Variants in XKR4 observed in about 807,000 individuals in gnomAD.
XKR4 encodes XK related 4.
XKR4 carries 12 observed loss-of-function variants against 53.9 expected under a neutral mutation model. The ratio of observed to expected loss-of-function variants is 0.22; its 90% CI spans 0.14 to 0.36. The LOEUF is 0.36. Ranked by LOEUF, XKR4 falls within the 10% of genes least tolerant of loss-of-function variation. The pLI, the probability that XKR4 is intolerant of heterozygous loss-of-function variation, is 1.00. For missense variants in XKR4, 799 were observed against 859.5 expected, an observed-to-expected ratio of 0.93 and a Z score of 0.88; for synonymous variants, 354 against 362.4, an observed-to-expected ratio of 0.98 and a Z score of 0.26.
At chr8:55,507,811 G>A (rs563406867) in intron 2 of XKR4, among the ~76,000 whole-genome samples, 82 of 152,218 alleles carry the variant, frequency 5.4e-4, no homozygotes, top group African/African-American at 1.9e-3. Context: ...ATAAACATAC[G>A]TGTGCATGTG....
At chr8:55,464,288 G>T (rs1007598821) in intron 2 of XKR4, among the ~76,000 whole-genome samples, 2 of 152,026 alleles carry the variant, frequency 1.3e-5, no homozygotes, top group African/African-American at 4.8e-5. Context: ...ATGATCAAGT[G>T]GGCTTCATCC....
chr8:55,105,528 C>A (rs371890784), intron 1 of XKR4, among the ~76,000 whole-genome samples: 1 of 152,078 alleles, frequency 6.6e-6, no homozygotes. Context: ...AAAGTTAATA[C>A]TGATAATGCA....
chr8:55,383,120 G>A (rs544622191), intron 2 of XKR4, among the ~76,000 whole-genome samples: 3 of 152,168 alleles, frequency 2.0e-5, no homozygotes, highest in Non-Finnish European at 4.4e-5. Flanking sequence ...GGCTGAGGCA[G>A]GAGAATCGCT....
intron 2 of XKR4, among the ~76,000 whole-genome samples, chr8:55,471,611 G>GAT (rs1455144948): frequency 3.3e-5 from 5 of 152,120 alleles, no homozygotes; most frequent in Non-Finnish European, 7.4e-5. Context: ...AAACATGGAT[G>GAT]ATATGGTTTG....
rs575640688 is a variant in XKR4 at position 55,363,808 on chromosome 8, C to A, written c.1006+5931C>A. ...TCTGTGAGGGGTCTAGGCTCCAGGT[C>A]CCTCTGGATCTGCCTACTCTGCAGT... is the stretch of plus-strand genomic sequence containing the variant. On this transcript the variant is annotated intron_variant, in intron 2 of 2. Transcript: ENST00000327381. Among the ~76,000 whole-genome samples the A allele has an allele frequency of 2.0e-5, 3 of 152,238 alleles. No individual in the cohort carries two copies. In the South Asian group the frequency reaches 6.2e-4, roughly 32 times the overall value.
intron 2 of XKR4, among the ~76,000 whole-genome samples, chr8:55,418,106 C>T (rs1425350071): frequency 6.6e-6 from 1 of 152,154 alleles, no homozygotes; most frequent in African/African-American, 2.4e-5. Context: ...AGGCCTCAGC[C>T]CATCCCCCTG....
At chr8:55,515,324 C>T (rs1806696006) in intron 2 of XKR4, among the ~76,000 whole-genome samples, 1 of 152,108 alleles carries the variant, frequency 6.6e-6, no homozygotes, top group African/African-American at 2.4e-5. Flanking sequence ...CTGAGAAAGC[C>T]CTAGACCCGG....
At chr8:55,510,398 T>A (rs1325568383) in intron 2 of XKR4, among the ~76,000 whole-genome samples, 1 of 152,208 alleles carries the variant, frequency 6.6e-6, no homozygotes, top group Non-Finnish European at 1.5e-5. Flanking sequence ...TAGGGAGTCC[T>A]TGAAGGGTTT....
chr8:55,129,235 C>G (rs1033926114), intron 1 of XKR4, among the ~76,000 whole-genome samples: 2 of 152,110 alleles, frequency 1.3e-5, no homozygotes, highest in Admixed American at 6.5e-5. Flanking sequence ...GTTACCCATA[C>G]GATATTCTGA....
At chr8:55,410,795 G>A (rs1804765784) in intron 2 of XKR4, among the ~76,000 whole-genome samples, 1 of 152,124 alleles carries the variant, frequency 6.6e-6, no homozygotes, top group African/African-American at 2.4e-5. Context: ...AGTACCTGTG[G>A]TCTGCAGAAT....
chr8:55,436,500 G>A (rs950750215), intron 2 of XKR4, among the ~76,000 whole-genome samples: 2 of 152,208 alleles, frequency 1.3e-5, no homozygotes, highest in Non-Finnish European at 2.9e-5. Flanking sequence ...CCTAACATGT[G>A]TTCAGGTTTG....
At chr8:55,240,440 G>T (rs1818196071) in intron 1 of XKR4, among the ~76,000 whole-genome samples, 1 of 152,060 alleles carries the variant, frequency 6.6e-6, no homozygotes, top group African/African-American at 2.4e-5. Context: ...ATGAATTACG[G>T]GACAGTTTAA....
At chr8:55,344,239 A>T (rs1803601068) in intron 1 of XKR4, among the ~76,000 whole-genome samples, 1 of 152,240 alleles carries the variant, frequency 6.6e-6, no homozygotes, top group Admixed American at 6.5e-5. Flanking sequence ...AAACATCCAT[A>T]AATCTGCTAA....
chr8:55,309,989 T>G (rs1819364934), intron 1 of XKR4, among the ~76,000 whole-genome samples: 1 of 152,150 alleles, frequency 6.6e-6, no homozygotes, highest in Admixed American at 6.6e-5. Context: ...TGAGGATCCT[T>G]AATTCAGGGG....
At chr8:55,428,811 A>G (rs771802068) in intron 2 of XKR4, among the ~76,000 whole-genome samples, 74 of 152,386 alleles carry the variant, frequency 4.9e-4, no homozygotes, top group Non-Finnish European at 8.2e-4. Context: ...TACCATGTTC[A>G]TTAATTTTAA....
intron 1 of XKR4, among the ~76,000 whole-genome samples, chr8:55,289,699 A>AAGAAAGAAAG (rs1818971950): frequency 3.2e-5 from 4 of 125,598 alleles, no homozygotes; most frequent in African/African-American, 1.1e-4. Flanking sequence ...AAGAAAGAGA[A>AAGAAAGAAAG]AGAAAGAAAG....
At chr8:55,464,498 T>C (rs910626264) in intron 2 of XKR4, among the ~76,000 whole-genome samples, 4 of 152,114 alleles carry the variant, frequency 2.6e-5, no homozygotes, top group African/African-American at 9.7e-5. Context: ...GAGCTATCTA[T>C]GACAAACCCA....
intron 1 of XKR4, among the ~76,000 whole-genome samples, chr8:55,341,467 G>C (rs1803545672): frequency 6.6e-6 from 1 of 152,184 alleles, no homozygotes; most frequent in Non-Finnish European, 1.5e-5. Flanking sequence ...CACAGGCAGA[G>C]ACATGTCTCA....
At chr8:55,273,920 T>G (rs1818728647) in intron 1 of XKR4, among the ~76,000 whole-genome samples, 1 of 152,190 alleles carries the variant, frequency 6.6e-6, no homozygotes, top group Non-Finnish European at 1.5e-5. Context: ...CCTTGGGTGG[T>G]TACACTACCA....
Sources: allele counts gnomAD v4.1 joint callset (sites outside exome capture counted in the v4.1 genomes callset), GRCh38; gene constraint gnomAD v4.1.1; transcripts MANE v1.5; gene names NCBI Gene and HGNC (gene_info 2026-07-23, HGNC 2026-07-21).